Variants in RORA observed in about 807,000 individuals in gnomAD.
RORA encodes the protein RAR related orphan receptor A, also known as nuclear receptor ROR-alpha.
Under a neutral mutation model 69.5 loss-of-function variants are expected in RORA, and 7 were observed. That is an observed-to-expected ratio of 0.10 (90% CI 0.06 to 0.19). RORA has a LOEUF of 0.19. RORA is among the 10% of genes least tolerant of loss of function. The pLI is 1.00. For synonymous variants in RORA, 261 were observed against 240.8 expected (o/e 1.08, Z -0.78); for missense variants, 457 against 663.0 (o/e 0.69, Z 3.41).
intron 1 of RORA, among the ~76,000 whole-genome samples, chr15:61,056,223 G>A (rs79916407): frequency 0.012 from 1,836 of 152,314 alleles, 34 homozygotes; most frequent in African/African-American, 0.042. Flanking sequence ...GGCTCCGACA[G>A]TAAGTATTCC....
chr15:60,847,884 T>C (rs892672539), intron 1 of RORA: 2 of 152,246 alleles, frequency 1.3e-5, no homozygotes, highest in African/African-American at 2.4e-5. Context: ...AGCACTGCTC[T>C]AAACAACTGC....
chr15:60,523,334 A>C (rs2066239983), intron 3 of RORA, among the ~76,000 whole-genome samples: 1 of 152,236 alleles, frequency 6.6e-6, no homozygotes, highest in Non-Finnish European at 1.5e-5. Flanking sequence ...AACCATGCAG[A>C]TAGATGTAGG....
At chr15:60,817,980 C>T (rs1207363387) in intron 1 of RORA, among the ~76,000 whole-genome samples, 1 of 152,062 alleles carries the variant, frequency 6.6e-6, no homozygotes, top group Admixed American at 6.5e-5. Flanking sequence ...AATGCTAATC[C>T]TTCCCTACCC....
At chr15:60,978,131 TTCATCATCATCA>T (rs36048535) in intron 1 of RORA, among the ~76,000 whole-genome samples, 2 of 151,062 alleles carry the variant, frequency 1.3e-5, no homozygotes, top group African/African-American at 4.9e-5. Context: ...TCTTATTTTC[TTCATCATCATCA>T]TCATCATCAT....
chr15:60,727,249 C>A (rs963395780), intron 1 of RORA, among the ~76,000 whole-genome samples: 3 of 152,090 alleles, frequency 2.0e-5, no homozygotes, highest in African/African-American at 7.2e-5. Flanking sequence ...TGCCTCCTTC[C>A]CCTTCTTTGC....
chr15:60,932,638 C>T (rs1056905700), intron 1 of RORA, among the ~76,000 whole-genome samples: 5 of 152,230 alleles, frequency 3.3e-5, no homozygotes, highest in Non-Finnish European at 4.4e-5. Flanking sequence ...AGCGATTTGG[C>T]GGGGTGGGTA....
chr15:60,551,009 G>T (rs959653832), intron 2 of RORA, among the ~76,000 whole-genome samples: 2 of 152,078 alleles, frequency 1.3e-5, no homozygotes, highest in African/African-American at 4.8e-5. Context: ...AAGAAAACAG[G>T]ATAGCTACAA....
intron 1 of RORA, among the ~76,000 whole-genome samples, chr15:60,925,155 C>A (rs2140493618): frequency 6.6e-6 from 1 of 150,952 alleles, no homozygotes; most frequent in South Asian, 2.1e-4. Context: ...GGTACTCTAA[C>A]AATTGAGGAA....
chr15:60,898,927 A>G (rs1049725090), intron 1 of RORA, among the ~76,000 whole-genome samples: 1 of 152,202 alleles, frequency 6.6e-6, no homozygotes, highest in South Asian at 2.1e-4. Context: ...GCATGTTCTC[A>G]GGCTTACTAA....
At chr15:61,203,747 C>T (rs2079915260) in intron 1 of RORA, among the ~76,000 whole-genome samples, 2 of 152,194 alleles carry the variant, frequency 1.3e-5, no homozygotes, top group South Asian at 4.1e-4. Flanking sequence ...CATGCTTAAA[C>T]ATATCATAGT....
intron 1 of RORA, among the ~76,000 whole-genome samples, chr15:61,227,584 G>A (rs570003961): frequency 6.6e-6 from 1 of 152,204 alleles, no homozygotes; most frequent in East Asian, 1.9e-4. Flanking sequence ...AGGTGGGGGG[G>A]GGGATACTGT....
intron 1 of RORA, among the ~76,000 whole-genome samples, chr15:61,115,187 A>G (rs1020154245): frequency 2.0e-5 from 3 of 152,082 alleles, no homozygotes; most frequent in Non-Finnish European, 4.4e-5. Flanking sequence ...TCATATCTCC[A>G]GAGTCCACCA....
intron 1 of RORA, among the ~76,000 whole-genome samples, chr15:60,910,794 C>T (rs1891684392): frequency 6.6e-6 from 1 of 151,902 alleles, no homozygotes; most frequent in Non-Finnish European, 1.5e-5. Flanking sequence ...TTGAATTCAT[C>T]CCCACACTGT....
intron 1 of RORA, among the ~76,000 whole-genome samples, chr15:60,828,030 T>A (rs1406096298): frequency 6.6e-6 from 1 of 152,174 alleles, no homozygotes; most frequent in South Asian, 2.1e-4. Flanking sequence ...GTACCAACTA[T>A]GTTGGACATT....
At chr15:61,080,753 G>T (rs1347474727) in intron 1 of RORA, among the ~76,000 whole-genome samples, 1 of 152,172 alleles carries the variant, frequency 6.6e-6, no homozygotes, top group Non-Finnish European at 1.5e-5. Context: ...CTAGATATGG[G>T]TGTGAATGTG....
intron 2 of RORA, among the ~76,000 whole-genome samples, chr15:60,657,782 A>G (rs1250589525): frequency 6.6e-6 from 1 of 152,256 alleles, no homozygotes; most frequent in African/African-American, 2.4e-5. Context: ...TACCTTGGAC[A>G]CAGATAAATT....
At chr15:61,091,888 T>A (rs1235026810) in intron 1 of RORA, among the ~76,000 whole-genome samples, 1 of 152,244 alleles carries the variant, frequency 6.6e-6, no homozygotes, top group African/African-American at 2.4e-5. Flanking sequence ...TAAAGTGGTC[T>A]TTTAAACTTG....
intron 1 of RORA, among the ~76,000 whole-genome samples, chr15:60,944,003 T>C (rs1892787030): frequency 6.7e-6 from 1 of 150,320 alleles, no homozygotes; most frequent in South Asian, 2.1e-4. Context: ...ATCACTTCTA[T>C]TAACTAAACA....
intron 1 of RORA, among the ~76,000 whole-genome samples, chr15:61,009,436 C>T (rs1243202768): frequency 6.6e-6 from 1 of 152,128 alleles, no homozygotes; most frequent in African/African-American, 2.4e-5. Flanking sequence ...GGAAATACAC[C>T]AAGATGAAAG....
Sources: allele counts gnomAD v4.1 joint callset (sites outside exome capture counted in the v4.1 genomes callset), GRCh38; gene constraint gnomAD v4.1.1; transcripts MANE v1.5; gene names NCBI Gene and HGNC (gene_info 2026-07-23, HGNC 2026-07-21).